ERAP1: variants seen among roughly 807,000 people sequenced by gnomAD.
ERAP1 encodes adipocyte-derived leucine aminopeptidase.
In ERAP1, 86 loss-of-function variants were observed where a neutral mutation model predicts 103.7. That is an observed-to-expected ratio of 0.83 (90% CI 0.70 to 0.99). ERAP1 has a LOEUF of 0.99. Ranked by LOEUF, ERAP1 falls within the 50% of genes least tolerant of loss-of-function variation. The pLI, the probability that ERAP1 is intolerant of heterozygous loss-of-function variation, is 0.00. For missense variants in ERAP1, 1,009 were observed against 1,128.4 expected, an observed-to-expected ratio of 0.89 and a Z score of 1.52; for synonymous variants, 398 against 402.4, an observed-to-expected ratio of 0.99 and a Z score of 0.13.
rs116127072 is a variant in ERAP1 at position 96,781,653 on chromosome 5, T to C, written c.2447+40A>G. 6.8e-3 allele frequency: 10,905 copies of C among 1,613,490 alleles called. 51 individuals carry two copies. Among genetic ancestry groups the C allele is most frequent in the Non-Finnish European group, 8.3e-3 (9,805 of 1,179,766 alleles). Reference sequence around the variant, plus strand: ...CCAGAATGATCTAATCTAATCTAATTTCCCTTGGCCACATGAACATGAATG... The same window carrying C: ...CCAGAATGATCTAATCTAATCTAATCTCCCTTGGCCACATGAACATGAATG... On this transcript the variant is annotated intron_variant, in intron 16 of 18. Transcript: ENST00000443439.
exon 20 of ERAP1, chr5:96,762,472 T>A: frequency 1.3e-6 from 1 of 745,452 alleles, no homozygotes; most frequent in Non-Finnish European, 2.1e-6. Flanking sequence ...TAGGCAGAAT[T>A]ATTAGGAAGA....
rs963307054 is a variant in ERAP1 at position 96,775,940 on chromosome 5, T to A, written c.*456A>T. 13 of 1,036,212 alleles carry A rather than the reference T, an allele frequency of 1.3e-5. No individual in the cohort carries two copies. In the Admixed American group the frequency reaches 2.0e-4, roughly 16 times the overall value. The allele number at this position is 1,036,212 out of a possible 1,614,324, so 64.2% of individuals were successfully genotyped here. A position where few individuals can be genotyped will look rare whatever the true frequency, so the allele number is the denominator to read the frequency against. On this transcript the variant is annotated 3_prime_UTR_variant, in exon 19 of 19. Coordinates refer to ENST00000443439, the MANE Select transcript of ERAP1 (RefSeq NM_001040458.3). ...GCAAGGAAGAGGGATGGGCAGCGGG[T>A]CTGGAGGGGTGAGCCGGGAGAGCTT... is the stretch of plus-strand genomic sequence containing the variant.
At chr5:96,912,766 G>A in the ERAP1 span, 1 of 1,602,014 alleles carries the variant, frequency 6.2e-7, no homozygotes, top group Non-Finnish European at 8.5e-7. Context: ...TGTATGCTTT[G>A]TCAACGAGCA....
chr5:96,783,344 C>T lies in ERAP1; in HGVS notation c.2101-109G>A, dbSNP rs1775496610. 5 of 939,828 alleles carry T rather than the reference C, an allele frequency of 5.3e-6. No individual in the cohort carries two copies. In the South Asian group the frequency reaches 8.7e-5, roughly 16 times the overall value. 58.2% of individuals were successfully genotyped at this position (939,828 alleles called of 1,614,324 possible). A position where few individuals can be genotyped will look rare whatever the true frequency, so the allele number is the denominator to read the frequency against. ...TGGGGGCTAATTTTTAAAGCATAAT[C>T]TAACTTTTACTGTATAAATCATGCA... On this transcript the variant is annotated intron_variant, in intron 14 of 18. Coordinates refer to ENST00000443439, the MANE Select transcript of ERAP1 (RefSeq NM_001040458.3).
chr5:96,892,945 G>A, the ERAP1 span, among the ~76,000 whole-genome samples: 1 of 152,134 alleles, frequency 6.6e-6, no homozygotes. Context: ...ACTCTCTGAA[G>A]TTCAGTGTCC....
intron 1 of ERAP1, among the ~76,000 whole-genome samples, chr5:96,806,538 T>G (rs1368433281): frequency 6.6e-6 from 1 of 152,164 alleles, no homozygotes; most frequent in Admixed American, 6.5e-5. Context: ...CATGTAACTT[T>G]GCTAAGTTCA....
At chr5:96,776,865 C>T (rs995961424) in intron 18 of ERAP1, 20 of 265,500 alleles carry the variant, frequency 7.5e-5, no homozygotes, top group Non-Finnish European at 1.4e-4. Context: ...TCTGTTCTCA[C>T]AGATGCAAAC....
the ERAP1 span, among the ~76,000 whole-genome samples, chr5:96,846,581 T>C: frequency 6.0e-5 from 9 of 150,826 alleles, no homozygotes; most frequent in African/African-American, 2.0e-4. Flanking sequence ...ATGTGTAGAT[T>C]CCAGTAGGTC....
chr5:96,877,375 C>T, the ERAP1 span, among the ~76,000 whole-genome samples: 3 of 152,208 alleles, frequency 2.0e-5, no homozygotes, highest in Non-Finnish European at 4.4e-5. Flanking sequence ...TTTCTCTCTA[C>T]TCTTATCAAT....
chr5:96,793,657 A>G (rs753907052), intron 6 of ERAP1, 144 bp from the exon 7 acceptor site: 25 of 1,076,590 alleles, frequency 2.3e-5, no homozygotes, highest in Non-Finnish European at 3.4e-5. Flanking sequence ...AACATGCATT[A>G]TAAGACATAA....
chr5:96,849,309 A>G, the ERAP1 span, among the ~76,000 whole-genome samples: 1 of 152,182 alleles, frequency 6.6e-6, no homozygotes, highest in Non-Finnish European at 1.5e-5. Context: ...GCATCCAAAT[A>G]TGAAACAATT....
At chr5:96,829,659 C>T in the ERAP1 span, among the ~76,000 whole-genome samples, 2 of 152,180 alleles carry the variant, frequency 1.3e-5, no homozygotes, top group East Asian at 1.9e-4. Flanking sequence ...TTACAACATG[C>T]GGTTTAGTTT....
chr5:96,842,085 A>G, the ERAP1 span, among the ~76,000 whole-genome samples: 2 of 152,196 alleles, frequency 1.3e-5, no homozygotes, highest in African/African-American at 4.8e-5. Context: ...ATGGCCTCCA[A>G]TTCCATCCAG....
chr5:96,830,526 A>ATTT, the ERAP1 span, among the ~76,000 whole-genome samples: 1 of 152,226 alleles, frequency 6.6e-6, no homozygotes, highest in Non-Finnish European at 1.5e-5. Context: ...ATTGGACACT[A>ATTT]TAGAGCAGTA....
At chr5:96,814,751 C>A in the ERAP1 span, among the ~76,000 whole-genome samples, 1 of 152,110 alleles carries the variant, frequency 6.6e-6, no homozygotes, top group African/African-American at 2.4e-5. Context: ...ATTTGAACAT[C>A]GGTGAAGAAG....
exon 20 of ERAP1, chr5:96,761,255 A>G (rs910337696): frequency 2.0e-5 from 3 of 152,188 alleles, no homozygotes; most frequent in African/African-American, 7.2e-5. Context: ...AGACAATACA[A>G]ATGTTTCAAT....
the ERAP1 span, among the ~76,000 whole-genome samples, chr5:96,842,851 C>A: frequency 2.0e-5 from 3 of 152,088 alleles, no homozygotes; most frequent in Admixed American, 6.5e-5. Context: ...TAATTCTTTG[C>A]CTAAGCCAAT....
chr5:96,775,633 G>T lies in ERAP1; in HGVS notation c.*763C>A. 1 of 416,700 alleles carries T rather than the reference G, an allele frequency of 2.4e-6. No homozygotes were observed. The highest frequency in any genetic ancestry group is 3.2e-6 in the Non-Finnish European group (1 of 310,318). 25.8% of individuals were successfully genotyped at this position (416,700 alleles called of 1,614,324 possible). A position where few individuals can be genotyped will look rare whatever the true frequency, so the allele number is the denominator to read the frequency against. On this transcript the variant is annotated 3_prime_UTR_variant, in exon 19 of 19. Coordinates refer to ENST00000443439, the MANE Select transcript of ERAP1 (RefSeq NM_001040458.3). ...CACAAGTCCGCCAGGACTAGTAAAA[G>T]CCAGACTCCCACTGAGGCCACTAAT...
chr5:96,802,017 AAG>A (rs1325403360), intron 2 of ERAP1, among the ~76,000 whole-genome samples: 4 of 152,146 alleles, frequency 2.6e-5, no homozygotes, highest in African/African-American at 4.8e-5. Context: ...GTAAATTAAA[AAG>A]AGATCATTTA....
Sources: allele counts gnomAD v4.1 joint callset (sites outside exome capture counted in the v4.1 genomes callset), GRCh38; gene constraint gnomAD v4.1.1; transcripts MANE v1.5; gene names NCBI Gene and HGNC (gene_info 2026-07-23, HGNC 2026-07-21).